Variants in GPR161 observed in about 807,000 individuals in gnomAD.
GPR161 encodes G-protein coupled receptor RE2.
A neutral mutation model predicts 39.2 loss-of-function variants in GPR161; 25 were observed. The observed-to-expected ratio is 0.64, with a 90% CI of 0.47 to 0.89. The LOEUF (loss-of-function observed/expected upper bound fraction) is 0.89. Among genes scored for constraint, GPR161 ranks in the 40% least tolerant of loss-of-function variants. The pLI, the probability that GPR161 is intolerant of heterozygous loss-of-function variation, is 0.00. For missense variants in GPR161, 547 were observed against 677.8 expected (o/e 0.81, Z 2.14); for synonymous variants, 286 against 276.6 (o/e 1.03, Z -0.34).
At chr1:168,124,054 T>C (rs1476582995) in intron 1 of GPR161, among the ~76,000 whole-genome samples, 1 of 152,222 alleles carries the variant, frequency 6.6e-6, no homozygotes, top group African/African-American at 2.4e-5. Context: ...ATGAATATGA[T>C]GATGCAGTCA....
chr1:168,098,702 C>T lies in GPR161; in HGVS notation c.375-1470G>A, dbSNP rs1695793115. 6.6e-6 allele frequency among the ~76,000 whole-genome samples: 1 copy of T among 152,126 alleles called. No homozygotes were observed. The highest frequency in any genetic ancestry group is 2.1e-4 in the South Asian group (1 of 4,836). On this transcript the variant is annotated intron_variant, in intron 2 of 5. Transcript: ENST00000682931. This position sits in a 1 kb window ranked among gnomAD's most constrained non-coding sequence, Gnocchi z 4.1. ...GCCTTGAGCCCAGGCCAGGATCTAT[C>T]CTGGAAAGAGAGCATTTCCGGCTAT...
chr1:168,126,630 T>C (rs893640504), intron 1 of GPR161, among the ~76,000 whole-genome samples: 34 of 152,080 alleles, frequency 2.2e-4, no homozygotes, highest in Non-Finnish European at 1.2e-4. Flanking sequence ...TTTTGTACTG[T>C]TTTTGTAAAG....
In GPR161 at chr1:168,083,737, G is replaced by GT. The variant is rs1319974593; in HGVS notation, c.*1793dup. 6.6e-6 allele frequency: 1 copy of GT among 152,264 alleles called. No homozygotes were observed. The highest frequency in any genetic ancestry group is 1.5e-5 in the Non-Finnish European group (1 of 68,120). 9.4% of individuals were successfully genotyped at this position (152,264 alleles called of 1,614,324 possible). On this transcript the variant is annotated 3_prime_UTR_variant, in exon 6 of 6. Transcript: ENST00000682931. Reference sequence around the variant, plus strand: ...CCTGGCATCCAGGTGACCCAGAATAGTTGAGTTCAATCACCACAGGTAGCA... The same window carrying GT: ...CCTGGCATCCAGGTGACCCAGAATAGTTTGAGTTCAATCACCACAGGTAGCA...
At chr1:168,099,846 G>GC (rs1489038882) in intron 2 of GPR161, among the ~76,000 whole-genome samples, 1 of 143,694 alleles carries the variant, frequency 7.0e-6, no homozygotes, top group African/African-American at 2.5e-5. Flanking sequence ...TGGGGGGGGG[G>GC]GGTTGGTGTG....
intron 1 of GPR161, among the ~76,000 whole-genome samples, chr1:168,123,150 AATAT>A (rs1380995819): frequency 2.0e-5 from 3 of 152,208 alleles, no homozygotes; most frequent in Non-Finnish European, 2.9e-5. Flanking sequence ...TGCCTACAAA[AATAT>A]ATGGGCTTGG....
chr1:168,095,944 A>T (rs1021074064), intron 3 of GPR161, among the ~76,000 whole-genome samples: 11 of 151,862 alleles, frequency 7.2e-5, no homozygotes, highest in African/African-American at 2.4e-4. Flanking sequence ...AGACCAGCCT[A>T]GCCAATATGG....
rs1369022296 is a variant in GPR161 at position 168,096,773 on chromosome 1, G to A, written c.834C>T (p.Ala278=). The stretch of plus-strand genomic sequence containing the variant: ...TGTAGGGGCCCCAGGTGACCATGAA[G>A]GCACCGAGGACCACCAGGATGGTGA... ...ALITILVVLG[A]FMVTWGPYMV... is the part of the protein sequence containing the mutation. Residue 278 remains alanine (A), a synonymous_variant, in exon 3 of 6, where the codon GCC becomes GCT. Transcript: ENST00000682931. The A allele has an allele frequency of 3.7e-6, 6 of 1,614,102 alleles. No homozygotes were observed. The highest frequency in any genetic ancestry group is 5.1e-6 in the Non-Finnish European group (6 of 1,180,026).
chr1:168,087,295 C>T (rs1384939398), intron 5 of GPR161, among the ~76,000 whole-genome samples: 1 of 152,096 alleles, frequency 6.6e-6, no homozygotes, highest in East Asian at 1.9e-4. Context: ...TATAACCATA[C>T]CTCACCCAGG....
intron 4 of GPR161, 190 bp from the exon 5 acceptor site, chr1:168,087,894 C>T (rs1694700057): frequency 3.6e-6 from 2 of 549,832 alleles, no homozygotes; most frequent in Non-Finnish European, 6.2e-6. Flanking sequence ...AGTTTGCAGA[C>T]AGCCGGTGGG....
At position 168,080,090 on chromosome 1, in the gene GPR161, A is replaced by G. The variant is rs1218300791; in HGVS notation, c.*5441T>C. Reference sequence around the variant, plus strand: ...CTTTGATGTTTTCAAAGGAATCTTCAAGGTATTGGAAATACTTTGGAATCC... The same window carrying G: ...CTTTGATGTTTTCAAAGGAATCTTCGAGGTATTGGAAATACTTTGGAATCC... On this transcript the variant is annotated 3_prime_UTR_variant, in exon 6 of 6. Coordinates refer to ENST00000682931, the MANE Select transcript of GPR161 (RefSeq NM_001375883.1). 1 of 152,184 alleles carries G rather than the reference A, an allele frequency of 6.6e-6. No individual in the cohort carries two copies. Among genetic ancestry groups the G allele is most frequent in the East Asian group, 1.9e-4 (1 of 5,196 alleles). The allele number at this position is 152,184 out of a possible 1,614,324, so 9.4% of individuals were successfully genotyped here.
At chr1:168,113,979 T>G (rs749779286) in intron 1 of GPR161, among the ~76,000 whole-genome samples, 2 of 151,996 alleles carry the variant, frequency 1.3e-5, no homozygotes, top group Non-Finnish European at 2.9e-5. Context: ...ACTTAAACAT[T>G]AAAAAACAAA....
In GPR161 at chr1:168,135,341, T is replaced by C. The variant is rs1447102869; in HGVS notation, c.-45+1398A>G. Reference sequence around the variant, plus strand: ...GGGCTAGTAGAGCTTCACAAGGTTGTTGTGTGAATGAAAAAGTGTACATGA... The same window carrying C: ...GGGCTAGTAGAGCTTCACAAGGTTGCTGTGTGAATGAAAAAGTGTACATGA... On this transcript the variant is annotated intron_variant, in intron 1 of 5. Transcript: ENST00000682931. Among the ~76,000 whole-genome samples the C allele has an allele frequency of 2.0e-5, 3 of 152,192 alleles. No individual in the cohort carries two copies. The East Asian group carries it at 5.8e-4, about 29-fold the overall frequency.
At chr1:168,107,645 T>C (rs1558116014) in intron 1 of GPR161, among the ~76,000 whole-genome samples, 1 of 152,224 alleles carries the variant, frequency 6.6e-6, no homozygotes, top group Non-Finnish European at 1.5e-5. Flanking sequence ...GTTTCAGGTA[T>C]TTTGTTATAA....
chr1:168,113,326 C>G (rs1697373170), intron 1 of GPR161, among the ~76,000 whole-genome samples: 1 of 152,136 alleles, frequency 6.6e-6, no homozygotes, highest in Non-Finnish European at 1.5e-5. Context: ...TTTAATAAAC[C>G]TATCAGAAAT....
At chr1:168,104,381 G>A in intron 2 of GPR161, 96 bp downstream of exon 2, 1 of 1,025,204 alleles carries the variant, frequency 9.8e-7, no homozygotes, top group Non-Finnish European at 1.5e-6. Flanking sequence ...AAGGGCCCCT[G>A]ACACTCTCCA....
At chr1:168,086,711 G>C (rs993783363) in intron 5 of GPR161, among the ~76,000 whole-genome samples, 9 of 152,190 alleles carry the variant, frequency 5.9e-5, no homozygotes, top group Admixed American at 1.3e-4. Flanking sequence ...CTATAGAAAG[G>C]CAATATATTA....
In GPR161 at chr1:168,096,853, T is replaced by A. The variant is rs778605544; in HGVS notation, c.754A>T (p.Arg252Trp). 17 of 1,614,052 alleles carry A rather than the reference T, an allele frequency of 1.1e-5. No individual in the cohort carries two copies. Among genetic ancestry groups the A allele is most frequent in the Middle Eastern group, 1.6e-4 (1 of 6,084 alleles). ...ACCACACCCTGAAAGGCATTCCTCCTGCTGCCTGAAGAGGAGGTGGAGGTG... is the reference window on the plus strand; with the variant it reads ...ACCACACCCTGAAAGGCATTCCTCCAGCTGCCTGAAGAGGAGGTGGAGGTG... ...SSTSTSSSGS[R>W]RNAFQGVVYS... Residue 252 changes from arginine to tryptophan, a missense_variant, in exon 3 of 6, where the codon AGG becomes TGG. Arg to Trp is a moderately radical substitution (Grantham distance 101). Coordinates refer to ENST00000682931, the MANE Select transcript of GPR161 (RefSeq NM_001375883.1).
At position 168,083,565 on chromosome 1, in the gene GPR161, A is replaced by G. The variant is rs1694223856; in HGVS notation, c.*1966T>C. The G allele has an allele frequency of 6.6e-6, 1 of 152,276 alleles. No homozygotes were observed. Among genetic ancestry groups the G allele is most frequent in the African/African-American group, 2.4e-5 (1 of 41,462 alleles). The allele number at this position is 152,276 out of a possible 1,614,324, so 9.4% of individuals were successfully genotyped here. A position where few individuals can be genotyped will look rare whatever the true frequency, so the allele number is the denominator to read the frequency against. On this transcript the variant is annotated 3_prime_UTR_variant, in exon 6 of 6. Transcript: ENST00000682931. ...TTCAGAAAGTAGACAAGTGCTAGAA[A>G]AAAATATATACAGGGAATATATATA...
rs562254700 is a variant in GPR161, at chr1:168,086,219, C to T, written c.1325-423G>A. Among the ~76,000 whole-genome samples, 12 of 152,250 alleles carry T rather than the reference C, an allele frequency of 7.9e-5. No individual in the cohort carries two copies. The South Asian group carries it at 2.5e-3, about 32-fold the overall frequency. ...TCCCTGAAGCAGTGTAACAAAACTT[C>T]CACAAACCCTAATGTCATCTCTCTC... On this transcript the variant is annotated intron_variant, in intron 5 of 5. Transcript: ENST00000682931.
Sources: gnomAD v4.1 joint callset for allele counts (sites outside exome capture counted in the v4.1 genomes callset) on GRCh38, gnomAD v4.1.1 for gene constraint, Gnocchi (gnomAD v3.1) non-coding constraint, MANE v1.5 for transcripts, NCBI Gene and HGNC (gene_info 2026-07-23, HGNC 2026-07-21) for gene names.